ADARB2: variants seen among roughly 807,000 people sequenced by gnomAD.
The protein encoded by ADARB2 is inactive double-stranded RNA-specific editase B2.
Under a neutral mutation model 62.2 loss-of-function variants are expected in ADARB2, and 25 were observed. The ratio of observed to expected loss-of-function variants is 0.40; its 90% CI spans 0.29 to 0.56. The LOEUF (loss-of-function observed/expected upper bound fraction) is 0.56. Ranked by LOEUF, ADARB2 falls within the 20% of genes least tolerant of loss-of-function variation. The probability of loss-of-function intolerance (pLI) is 0.43; values close to 1 mark genes in which losing one functional copy is unlikely to be tolerated. For missense variants in ADARB2, 1,071 were observed against 1,077.4 expected (o/e 0.99, Z 0.08); for synonymous variants, 572 against 500.8 (o/e 1.14, Z -1.90).
chr10:1,335,624 C>T (rs1266779780), intron 3 of ADARB2, among the ~76,000 whole-genome samples: 3 of 152,108 alleles, frequency 2.0e-5, no homozygotes, highest in African/African-American at 7.2e-5. Context: ...TTGCAAGCCA[C>T]TGGTTGGGCT....
chr10:1,676,635 G>A (rs1255568486), intron 1 of ADARB2, among the ~76,000 whole-genome samples: 1 of 152,098 alleles, frequency 6.6e-6, no homozygotes, highest in East Asian at 1.9e-4. Flanking sequence ...GGGACTACAG[G>A]CACCACCATG....
intron 1 of ADARB2, among the ~76,000 whole-genome samples, chr10:1,448,888 CGACCCCATGACT>C (rs1232114630): frequency 2.0e-5 from 3 of 152,150 alleles, no homozygotes; most frequent in Non-Finnish European, 2.9e-5. Context: ...CTCAGCCTGC[CGACCCCATGACT>C]GACATCTCAG....
rs929868437 is a variant in ADARB2 at position 1,266,077 on chromosome 10, C to T, written c.1192+4878G>A. ...GCCAGGTCCACGCTCCCCCGGAAGA[C>T]GGCCTGAGAGGGGGCCCAGGCTCTC... is the stretch of plus-strand genomic sequence containing the variant. On this transcript the variant is annotated intron_variant, in intron 4 of 9. Coordinates refer to ENST00000381312, the MANE Select transcript of ADARB2 (RefSeq NM_018702.4). Among the ~76,000 whole-genome samples, 4 of 142,250 alleles carry T rather than the reference C, an allele frequency of 2.8e-5. No homozygotes were observed. The Admixed American group carries it at 2.8e-4, about 10-fold the overall frequency. 93.3% of individuals were successfully genotyped at this position (142,250 alleles called of 152,430 possible). A position where few individuals can be genotyped will look rare whatever the true frequency, so the allele number is the denominator to read the frequency against.
intron 7 of ADARB2, among the ~76,000 whole-genome samples, chr10:1,204,642 T>A (rs1281622399): frequency 6.6e-6 from 1 of 152,152 alleles, no homozygotes; most frequent in African/African-American, 2.4e-5. Flanking sequence ...TCACATTGTG[T>A]AGGACGCTTG....
At chr10:1,283,681 A>C (rs1000597120) in intron 3 of ADARB2, among the ~76,000 whole-genome samples, 1 of 152,158 alleles carries the variant, frequency 6.6e-6, no homozygotes, top group Non-Finnish European at 1.5e-5. Context: ...ATGCCTGAGC[A>C]GTGGAGTGTT....
At chr10:1,464,917 C>T (rs1024567402) in intron 1 of ADARB2, among the ~76,000 whole-genome samples, 9 of 152,308 alleles carry the variant, frequency 5.9e-5, no homozygotes, top group East Asian at 3.9e-4. Context: ...AGGGTGAGGA[C>T]GCTCACACCC....
At chr10:1,331,052 A>G (rs922751894) in intron 3 of ADARB2, among the ~76,000 whole-genome samples, 1 of 152,238 alleles carries the variant, frequency 6.6e-6, no homozygotes, top group African/African-American at 2.4e-5. Flanking sequence ...ACTTAGAGAA[A>G]TTAAAATCAA....
At chr10:1,399,995 A>G (rs1832648343) in intron 1 of ADARB2, among the ~76,000 whole-genome samples, 1 of 152,090 alleles carries the variant, frequency 6.6e-6, no homozygotes. Flanking sequence ...TCTGTCTCTT[A>G]TTTTGGAGGT....
chr10:1,702,266 CAA>C (rs1161958744), intron 1 of ADARB2, among the ~76,000 whole-genome samples: 1 of 152,212 alleles, frequency 6.6e-6, no homozygotes, highest in Non-Finnish European at 1.5e-5. Context: ...TATAAAAGCA[CAA>C]TTTTTGAATT....
intron 3 of ADARB2, among the ~76,000 whole-genome samples, chr10:1,288,518 A>G (rs1379515110): frequency 6.6e-6 from 1 of 152,238 alleles, no homozygotes; most frequent in Non-Finnish European, 1.5e-5. Context: ...TGCCCAGCAC[A>G]CAGGCAGTAA....
intron 1 of ADARB2, among the ~76,000 whole-genome samples, chr10:1,602,672 A>G (rs1425332681): frequency 8.4e-5 from 7 of 83,316 alleles, no homozygotes; most frequent in Admixed American, 6.9e-4. Context: ...ACATCCACAC[A>G]CATATGCACA....
At chr10:1,234,868 C>T (rs1183703789) in intron 5 of ADARB2, among the ~76,000 whole-genome samples, 1 of 150,698 alleles carries the variant, frequency 6.6e-6, no homozygotes, top group African/African-American at 2.4e-5. Context: ...CCTGCCTCAG[C>T]CTCCTGAGTA....
At chr10:1,327,902 C>T (rs1398549185) in intron 3 of ADARB2, among the ~76,000 whole-genome samples, 1 of 152,010 alleles carries the variant, frequency 6.6e-6, no homozygotes, top group Non-Finnish European at 1.5e-5. Flanking sequence ...AGCTCAGCGC[C>T]TCCTCACAGT....
chr10:1,419,697 A>T (rs1832836804), intron 1 of ADARB2, among the ~76,000 whole-genome samples: 1 of 152,254 alleles, frequency 6.6e-6, no homozygotes, highest in South Asian at 2.1e-4. Context: ...AACAGAATGA[A>T]TTATATCGTC....
intron 3 of ADARB2, among the ~76,000 whole-genome samples, chr10:1,298,318 TTTTTTTGC>T (rs1237678900): frequency 1.3e-5 from 2 of 152,160 alleles, no homozygotes; most frequent in Non-Finnish European, 2.9e-5. Context: ...TGTTTTTATG[TTTTTTTGC>T]CAAGGAAGGT....
At chr10:1,374,341 A>C (rs1832403039) in intron 2 of ADARB2, among the ~76,000 whole-genome samples, 1 of 152,168 alleles carries the variant, frequency 6.6e-6, no homozygotes. Flanking sequence ...ATTTCCATCC[A>C]CTTCTCCCAC....
intron 8 of ADARB2, among the ~76,000 whole-genome samples, chr10:1,195,360 T>C (rs1000392148): frequency 2.7e-5 from 4 of 149,144 alleles, no homozygotes; most frequent in African/African-American, 9.8e-5. Flanking sequence ...CAGGGAACCA[T>C]CATTCAGTAT....
At chr10:1,492,348 G>C (rs1336168064) in intron 1 of ADARB2, among the ~76,000 whole-genome samples, 1 of 152,166 alleles carries the variant, frequency 6.6e-6, no homozygotes, top group Non-Finnish European at 1.5e-5. Context: ...CTCGTTAAGA[G>C]GAGACCCCAC....
intron 6 of ADARB2, among the ~76,000 whole-genome samples, chr10:1,230,264 G>C (rs1830791588): frequency 6.6e-6 from 1 of 152,176 alleles, no homozygotes; most frequent in East Asian, 1.9e-4. Context: ...CTCTGAATTG[G>C]AGGGGCAGTG....
Sources: allele counts gnomAD v4.1 joint callset (sites outside exome capture counted in the v4.1 genomes callset), GRCh38; gene constraint gnomAD v4.1.1; transcripts MANE v1.5; gene names NCBI Gene and HGNC (gene_info 2026-07-23, HGNC 2026-07-21).